Variants in GAS2 observed in about 807,000 individuals in gnomAD.
GAS2 encodes the protein growth arrest specific 2.
A neutral mutation model predicts 37.5 loss-of-function variants in GAS2; 20 were observed. That is an observed-to-expected ratio of 0.53 (90% CI 0.37 to 0.77). The LOEUF (loss-of-function observed/expected upper bound fraction) is 0.77. Among genes scored for constraint, GAS2 ranks in the 30% least tolerant of loss-of-function variants. GAS2 has a pLI of 0.00. For synonymous variants in GAS2, 144 were observed against 132.2 expected, an observed-to-expected ratio of 1.09 and a Z score of -0.61; for missense variants, 336 against 373.4, an observed-to-expected ratio of 0.90 and a Z score of 0.82.
intron 1 of GAS2, among the ~76,000 whole-genome samples, chr11:22,629,299 C>T (rs551640100): frequency 1.3e-5 from 2 of 152,260 alleles, no homozygotes; most frequent in South Asian, 4.1e-4. Flanking sequence ...AGTGTATAAG[C>T]ATTGCCTTTT....
At chr11:22,674,541 C>A (rs1339578383) in intron 1 of GAS2, among the ~76,000 whole-genome samples, 1 of 152,132 alleles carries the variant, frequency 6.6e-6, no homozygotes. Flanking sequence ...AACTTTTTCT[C>A]GTGTTTCAAT....
rs115950812 is a variant in GAS2 at position 22,745,898 on chromosome 11, A to C, written c.474-3222A>C. Reference sequence around the variant, plus strand: ...TCAAAACCACAATGAAGCCAGGCACAATGGCTGACACCTGTAATGCCAGCA... The same window carrying C: ...TCAAAACCACAATGAAGCCAGGCACCATGGCTGACACCTGTAATGCCAGCA... On this transcript the variant is annotated intron_variant, in intron 5 of 7. Transcript: ENST00000454584. Among the ~76,000 whole-genome samples, 384 of 152,236 alleles carry C rather than the reference A, an allele frequency of 2.5e-3. 1 individual carries two copies. The highest frequency in any genetic ancestry group is 8.7e-3 in the African/African-American group (360 of 41,558).
chr11:22,642,720 C>T (rs1434227227), intron 1 of GAS2, among the ~76,000 whole-genome samples: 5 of 152,076 alleles, frequency 3.3e-5, no homozygotes, highest in Admixed American at 6.5e-5. Flanking sequence ...AGAATTTACA[C>T]GGAATGTAAA....
At chr11:22,660,272 G>T (rs1046404855) in intron 1 of GAS2, among the ~76,000 whole-genome samples, 1 of 152,238 alleles carries the variant, frequency 6.6e-6, no homozygotes, top group African/African-American at 2.4e-5. Context: ...TAGGAAGCGA[G>T]GAGGGGAAGA....
chr11:22,647,550 G>T (rs1355421505), intron 1 of GAS2, among the ~76,000 whole-genome samples: 3 of 152,186 alleles, frequency 2.0e-5, no homozygotes, highest in African/African-American at 7.2e-5. Flanking sequence ...CAGTGTAAAA[G>T]TGTTCCTATT....
At chr11:22,806,657 C>T (rs574921087) in intron 7 of GAS2, among the ~76,000 whole-genome samples, 6 of 152,168 alleles carry the variant, frequency 3.9e-5, no homozygotes, top group East Asian at 1.9e-4. Flanking sequence ...AAGCTTGAAA[C>T]CTTCAAACAG....
At chr11:22,782,482 G>C (rs761940199) in intron 7 of GAS2, among the ~76,000 whole-genome samples, 1 of 151,986 alleles carries the variant, frequency 6.6e-6, no homozygotes, top group Non-Finnish European at 1.5e-5. Context: ...CCAGTGCTGA[G>C]GTTGGGGTAT....
chr11:22,728,571 AT>A (rs1852325128), intron 4 of GAS2, among the ~76,000 whole-genome samples: 1 of 151,268 alleles, frequency 6.6e-6, no homozygotes. Flanking sequence ...TTTTGTACAA[AT>A]TTTTAAGTCT....
In GAS2 at chr11:22,726,346, T is replaced by C; in HGVS notation, c.322T>C (p.Phe108Leu). The change falls in exon 4 of 8, where the codon TTT becomes CTT. Residue 108 changes from phenylalanine (F) to leucine (L), a missense_variant. Phe to Leu is a conservative substitution (Grantham distance 22). Coordinates refer to ENST00000454584, the MANE Select transcript of GAS2 (RefSeq NM_001143830.3). ...CKTSAPSGSF[F>L]ARDNTANFLS... ...AACCAGTGCACCCTCGGGCTCCTTT[T>C]TTGCCAGAGACAATACAGCAAATTT... 1 of 1,612,800 alleles carries C rather than the reference T, an allele frequency of 6.2e-7. No homozygotes were observed.
chr11:22,657,155 C>T (rs578043972), intron 1 of GAS2, among the ~76,000 whole-genome samples: 117 of 152,252 alleles, frequency 7.7e-4, no homozygotes, highest in Non-Finnish European at 3.5e-4. Context: ...ATTTGTAAAA[C>T]TTAAAAGATT....
chr11:22,652,210 G>T (rs1027136288), intron 1 of GAS2, among the ~76,000 whole-genome samples: 1 of 152,280 alleles, frequency 6.6e-6, no homozygotes, highest in Admixed American at 6.5e-5. Context: ...CCTGCTGGGG[G>T]TGCCTCCCAT....
intron 7 of GAS2, among the ~76,000 whole-genome samples, chr11:22,791,515 A>G (rs1856162267): frequency 6.6e-6 from 1 of 152,240 alleles, no homozygotes; most frequent in Non-Finnish European, 1.5e-5. Context: ...CAGGAAAAGA[A>G]AGAGGAAAGA....
chr11:22,812,392 C>A lies in GAS2; in HGVS notation c.*376C>A. On this transcript the variant is annotated 3_prime_UTR_variant, in exon 8 of 8. Transcript: ENST00000454584. ...CCTGCTTTACACTCATGAGTAAAAG[C>A]ACTCCAGACATTTTTATAATTGCAA... The A allele has an allele frequency of 6.3e-6, 1 of 157,690 alleles. No homozygotes were observed. The highest frequency in any genetic ancestry group is 1.4e-5 in the Non-Finnish European group (1 of 73,140). The allele number at this position is 157,690 out of a possible 1,614,324, so 9.8% of individuals were successfully genotyped here.
intron 3 of GAS2, among the ~76,000 whole-genome samples, chr11:22,719,548 C>T (rs1317536285): frequency 3.3e-5 from 5 of 152,018 alleles, no homozygotes; most frequent in Non-Finnish European, 7.4e-5. Context: ...TGGGTTTTTA[C>T]AGATGACGTG....
intron 3 of GAS2, among the ~76,000 whole-genome samples, chr11:22,687,699 C>G (rs1172852164): frequency 6.6e-6 from 1 of 152,174 alleles, no homozygotes; most frequent in Non-Finnish European, 1.5e-5. Context: ...TTTTCTTCTG[C>G]TCTCATTTCC....
At chr11:22,735,033 A>AACTTTAGC (rs1418879812) in intron 4 of GAS2, among the ~76,000 whole-genome samples, 1 of 151,610 alleles carries the variant, frequency 6.6e-6, no homozygotes, top group East Asian at 1.9e-4. Context: ...TGCTAGGTAA[A>AACTTTAGC]ACTTTAGCCT....
chr11:22,755,525 T>G (rs916610583), intron 6 of GAS2: 1 of 184,924 alleles, frequency 5.4e-6, no homozygotes, highest in Non-Finnish European at 1.1e-5. Flanking sequence ...GTGCATGGTC[T>G]TTTTAGTCCT....
chr11:22,683,350 C>G (rs537811095), intron 2 of GAS2, among the ~76,000 whole-genome samples: 2 of 152,138 alleles, frequency 1.3e-5, no homozygotes, highest in African/African-American at 2.4e-5. Context: ...ACTGCAACCT[C>G]CGCCTCCCAG....
At chr11:22,671,979 T>G (rs1437076207) in intron 1 of GAS2, among the ~76,000 whole-genome samples, 1 of 92,870 alleles carries the variant, frequency 1.1e-5, no homozygotes, top group Non-Finnish European at 2.8e-5. Context: ...TGGCAGTGAT[T>G]TGAAATGTGA....
Sources: gnomAD v4.1 joint callset for allele counts (sites outside exome capture counted in the v4.1 genomes callset) on GRCh38, gnomAD v4.1.1 for gene constraint, MANE v1.5 for transcripts, NCBI Gene and HGNC (gene_info 2026-07-23, HGNC 2026-07-21) for gene names.